Variants in RCC1 observed in about 807,000 individuals in gnomAD.
RCC1 encodes regulator of chromosome condensation.
RCC1 carries 11 observed loss-of-function variants against 44.4 expected under a neutral mutation model. The ratio of observed to expected loss-of-function variants is 0.25; its 90% CI spans 0.16 to 0.41. The LOEUF (loss-of-function observed/expected upper bound fraction) is 0.41. Among genes scored for constraint, RCC1 ranks in the 10% least tolerant of loss-of-function variants. RCC1 has a pLI of 1.00. For synonymous variants in RCC1, 213 were observed against 216.5 expected (o/e 0.98, Z 0.14); for missense variants, 386 against 547.1 (o/e 0.71, Z 2.94).
chr1:28,510,854 T>A (rs1490388064), intron 3 of RCC1: 2 of 152,290 alleles, frequency 1.3e-5, no homozygotes, highest in Admixed American at 1.3e-4. Flanking sequence ...CTGCTGTAAC[T>A]ACATAGATCT....
chr1:28,531,154 G>A (rs149661726), intron 5 of RCC1, among the ~76,000 whole-genome samples: 12,159 of 151,910 alleles, frequency 0.08, 962 homozygotes, highest in African/African-American at 0.21. Flanking sequence ...GCTTGAACCC[G>A]GGAGGCAGAG....
chr1:28,530,907 G>A (rs948589851), intron 5 of RCC1, among the ~76,000 whole-genome samples: 1 of 152,206 alleles, frequency 6.6e-6, no homozygotes, highest in Admixed American at 6.5e-5. Flanking sequence ...ATGGAGGAGG[G>A]CTTGGATGGA....
intron 4 of RCC1, chr1:28,526,398 T>A (rs1663667404): frequency 6.9e-6 from 3 of 437,852 alleles, no homozygotes; most frequent in Non-Finnish European, 1.3e-5. Flanking sequence ...CACACCGAAG[T>A]CTCGAGAAAT....
chr1:28,512,776 G>T (rs1662641532), intron 3 of RCC1, among the ~76,000 whole-genome samples: 1 of 152,018 alleles, frequency 6.6e-6, no homozygotes, highest in Non-Finnish European at 1.5e-5. Context: ...TATTGTTGTT[G>T]TATTAGTGTT....
chr1:28,509,574 C>G (rs1182311066), intron 3 of RCC1: 3 of 152,204 alleles, frequency 2.0e-5, no homozygotes, highest in Non-Finnish European at 4.4e-5. Context: ...TGTAATTTAC[C>G]TAACAAATTG....
At chr1:28,534,711 G>A (rs370220978) in intron 7 of RCC1, among the ~76,000 whole-genome samples, 2 of 152,166 alleles carry the variant, frequency 1.3e-5, no homozygotes, top group Admixed American at 6.6e-5. Flanking sequence ...GAGCTCAAGC[G>A]ATCTGCCCAC....
At chr1:28,507,126 G>A (rs1662015351) in intron 1 of RCC1, 1 of 256,950 alleles carries the variant, frequency 3.9e-6, no homozygotes, top group Admixed American at 4.8e-5. Flanking sequence ...ATTTAGGATA[G>A]CTGGGCCTAA....
chr1:28,522,530 G>A (rs913145920), intron 4 of RCC1, among the ~76,000 whole-genome samples: 1 of 151,872 alleles, frequency 6.6e-6, no homozygotes, highest in Non-Finnish European at 1.5e-5. Context: ...GAATGAGGCC[G>A]GGCATGGTAC....
chr1:28,507,267 T>C (rs1238410039), intron 1 of RCC1: 6 of 480,444 alleles, frequency 1.2e-5, no homozygotes, highest in African/African-American at 9.8e-5. Context: ...GTGGACAGGG[T>C]GGAAACTCGT....
chr1:28,526,984 G>C lies in RCC1; in HGVS notation c.-9-2874G>C, dbSNP rs1663707493. ...CAAAGTCATCAAGGCTTAGGTCTTT[G>C]AACTCTCCATTGACCACGGCTGTAC... On this transcript the variant is annotated intron_variant, in intron 4 of 12. Coordinates refer to ENST00000683442, the MANE Select transcript of RCC1 (RefSeq NM_001381865.2). 12 of 859,992 alleles carry C rather than the reference G, an allele frequency of 1.4e-5. No individual in the cohort carries two copies. The Admixed American group carries it at 1.9e-4, about 13-fold the overall frequency. The allele number at this position is 859,992 out of a possible 1,614,324, so 53.3% of individuals were successfully genotyped here.
At chr1:28,523,022 A>C (rs1196591607) in intron 4 of RCC1, among the ~76,000 whole-genome samples, 1 of 142,970 alleles carries the variant, frequency 7.0e-6, no homozygotes, top group Non-Finnish European at 1.5e-5. Flanking sequence ...AGGCAGAAGA[A>C]ATTTCTTTTT....
intron 3 of RCC1, chr1:28,510,201 TTGG>T (rs1159906944): frequency 1.3e-5 from 2 of 152,240 alleles, no homozygotes; most frequent in African/African-American, 2.4e-5. Flanking sequence ...AGATTGGAGT[TTGG>T]TGGACTGTAG....
At chr1:28,515,222 A>G (rs988601721) in intron 3 of RCC1, among the ~76,000 whole-genome samples, 7 of 152,166 alleles carry the variant, frequency 4.6e-5, no homozygotes, top group Non-Finnish European at 8.8e-5. Context: ...CCCAGGAGGC[A>G]GAGATTGCAG....
At chr1:28,514,854 G>A (rs1662795744) in intron 3 of RCC1, among the ~76,000 whole-genome samples, 1 of 152,034 alleles carries the variant, frequency 6.6e-6, no homozygotes, top group African/African-American at 2.4e-5. Flanking sequence ...AGATCACGAG[G>A]TCAGAGCGAG....
At chr1:28,524,674 A>G (rs1000455780) in intron 4 of RCC1, among the ~76,000 whole-genome samples, 3 of 152,100 alleles carry the variant, frequency 2.0e-5, no homozygotes, top group Non-Finnish European at 2.9e-5. Flanking sequence ...CCTGGGCAAC[A>G]TGGCAAGACG....
At chr1:28,508,655 A>G (rs1662239637) in intron 2 of RCC1, 175 bp from the exon 3 acceptor site, 1 of 518,686 alleles carries the variant, frequency 1.9e-6, no homozygotes, top group African/African-American at 1.9e-5. Flanking sequence ...GTCCCTTTCC[A>G]CAACGTTGAA....
intron 5 of RCC1, among the ~76,000 whole-genome samples, chr1:28,530,269 C>A (rs1364836970): frequency 6.6e-6 from 1 of 152,178 alleles, no homozygotes; most frequent in African/African-American, 2.4e-5. Flanking sequence ...CTGCCACTTT[C>A]TAGCTGCTGG....
intron 4 of RCC1, chr1:28,526,993 A>G: frequency 1.2e-6 from 1 of 844,882 alleles, no homozygotes; most frequent in Non-Finnish European, 2.1e-6. Flanking sequence ...TGAACTCTCC[A>G]TTGACCACGG....
At position 28,532,188 on chromosome 1, in the gene RCC1, C is replaced by T. The variant is rs1214718548; in HGVS notation, c.279C>T (p.Cys93=). The T allele has an allele frequency of 1.2e-6, 2 of 1,613,314 alleles. No individual in the cohort carries two copies. Among genetic ancestry groups the T allele is most frequent in the African/African-American group, 2.7e-5 (2 of 74,904 alleles). Residue 93 remains cysteine, a synonymous_variant, in exon 7 of 13, where the codon TGC becomes TGT. Transcript: ENST00000683442. The stretch of plus-strand genomic sequence containing the variant: ...GGGCACAGGTCTATTCCTTCGGCTG[C>T]AATGATGAGGGTGCCCTGGGAAGGG... The part of the protein sequence containing the change: ...SKSGQVYSFG[C]NDEGALGRDT...
Sources: gnomAD v4.1 joint callset for allele counts (sites outside exome capture counted in the v4.1 genomes callset) on GRCh38, gnomAD v4.1.1 for gene constraint, MANE v1.5 for transcripts, NCBI Gene and HGNC (gene_info 2026-07-23, HGNC 2026-07-21) for gene names.